The following PBX1 variants were observed in gnomAD, a reference collection of about 807,000 sequenced individuals.
The protein encoded by PBX1 is pre-B-cell leukemia transcription factor 1.
Under a neutral mutation model 53.4 loss-of-function variants are expected in PBX1, and 6 were observed. The ratio of observed to expected loss-of-function variants is 0.11; its 90% CI spans 0.06 to 0.22. The LOEUF is 0.22. PBX1 is among the 10% of genes least tolerant of loss of function. PBX1 has a pLI of 1.00. For synonymous variants in PBX1, 204 were observed against 212.3 expected (o/e 0.96, Z 0.34); for missense variants, 251 against 551.4 (o/e 0.46, Z 5.46).
chr1:164,569,055 T>G (rs1242151657), intron 2 of PBX1, among the ~76,000 whole-genome samples: 4 of 152,240 alleles, frequency 2.6e-5, no homozygotes, highest in African/African-American at 9.6e-5. Context: ...CTGAAACTTT[T>G]GTCATTAAGT....
intron 2 of PBX1, among the ~76,000 whole-genome samples, chr1:164,571,873 G>GTGTATATA (rs1252010429): frequency 3.3e-5 from 1 of 29,900 alleles, no homozygotes. Flanking sequence ...TCTGTACATT[G>GTGTATATA]TATATATATA....
rs6680745 is a variant in PBX1, at chr1:164,603,928, C to A, written c.265+40617C>A. Among the ~76,000 whole-genome samples, 17 of 48,766 alleles carry A rather than the reference C, an allele frequency of 3.5e-4. 1 individual carries two copies. In the South Asian group the frequency reaches 9.3e-3, roughly 27 times the overall value. The allele number at this position is 48,766 out of a possible 152,430, so 32.0% of individuals were successfully genotyped here. On this transcript the variant is annotated intron_variant, in intron 2 of 8. Transcript: ENST00000420696. ...AGACACTCTGTACATTATGTCATTT[C>A]ATTTTTTTTTTTTTTTTTTTTTTTT...
intron 2 of PBX1, among the ~76,000 whole-genome samples, chr1:164,868,375 C>T (rs1380307250): frequency 3.3e-5 from 5 of 152,142 alleles, no homozygotes; most frequent in African/African-American, 9.7e-5. Context: ...GTTAAGGGTC[C>T]GGGCTTTTGT....
chr1:164,776,995 G>A (rs1300345447), intron 2 of PBX1, among the ~76,000 whole-genome samples: 3 of 134,866 alleles, frequency 2.2e-5, no homozygotes, highest in Non-Finnish European at 4.8e-5. Context: ...GTGGGGGGGC[G>A]GGGGGCTGCC....
chr1:164,798,364 G>T (rs549152827), intron 3 of PBX1, among the ~76,000 whole-genome samples: 79 of 152,234 alleles, frequency 5.2e-4, no homozygotes, highest in African/African-American at 1.7e-3. Flanking sequence ...GCATCATCTT[G>T]CCTTTTTTGT....
intron 4 of PBX1, among the ~76,000 whole-genome samples, chr1:164,802,930 C>T (rs1669156464): frequency 6.6e-6 from 1 of 151,868 alleles, no homozygotes; most frequent in African/African-American, 2.4e-5. Flanking sequence ...GATTTTCGAG[C>T]ATTAATCTTA....
At chr1:164,867,261 A>G (rs530455416) in intron 2 of PBX1, among the ~76,000 whole-genome samples, 1 of 152,284 alleles carries the variant, frequency 6.6e-6, no homozygotes, top group African/African-American at 2.4e-5. Context: ...GAGATACTAT[A>G]TTCAAAAGAC....
chr1:164,862,080 G>A (rs907536774), intron 2 of PBX1, among the ~76,000 whole-genome samples: 7 of 152,118 alleles, frequency 4.6e-5, no homozygotes, highest in Admixed American at 3.3e-4. Flanking sequence ...AAGTTTTAAC[G>A]TGTGACTCTG....
At chr1:164,776,267 A>G (rs1344171705) in intron 2 of PBX1, among the ~76,000 whole-genome samples, 1 of 152,166 alleles carries the variant, frequency 6.6e-6, no homozygotes, top group East Asian at 1.9e-4. Context: ...CTTTCTTTCT[A>G]GGAAGCAGAG....
At chr1:164,859,882 G>A (rs1672059234) in intron 2 of PBX1, among the ~76,000 whole-genome samples, 1 of 152,200 alleles carries the variant, frequency 6.6e-6, no homozygotes, top group African/African-American at 2.4e-5. Flanking sequence ...ATTTATCAAT[G>A]TACAAGCTTG....
At chr1:164,586,454 C>A in intron 2 of PBX1, among the ~76,000 whole-genome samples, 1 of 152,224 alleles carries the variant, frequency 6.6e-6, no homozygotes. Context: ...TGCAAGGGAA[C>A]AATTACTGGA....
At chr1:164,657,942 C>T (rs17383024) in intron 2 of PBX1, among the ~76,000 whole-genome samples, 7,614 of 152,168 alleles carry the variant, frequency 0.05, 315 homozygotes, top group Admixed American at 0.12. Context: ...GCCATCTTAT[C>T]ATCATAGTAG....
In PBX1 at chr1:164,848,672, A is replaced by T; in HGVS notation, c.*1996A>T. The T allele has an allele frequency of 9.5e-7, 1 of 1,055,860 alleles. No individual in the cohort carries two copies. Among genetic ancestry groups the T allele is most frequent in the Non-Finnish European group, 1.1e-6 (1 of 873,468 alleles). The allele number at this position is 1,055,860 out of a possible 1,614,324, so 65.4% of individuals were successfully genotyped here. On this transcript the variant is annotated 3_prime_UTR_variant, in exon 9 of 9. Coordinates refer to ENST00000420696, the MANE Select transcript of PBX1 (RefSeq NM_002585.4). The stretch of plus-strand genomic sequence containing the variant: ...ACAGGCCCTGGTTCCCTTAGTTTGC[A>T]CTTGAACCCAATATGTTGCCTTGTA...
chr1:164,719,716 T>G (rs117195859), intron 2 of PBX1, among the ~76,000 whole-genome samples: 74 of 152,254 alleles, frequency 4.9e-4, no homozygotes, highest in African/African-American at 1.7e-3. Flanking sequence ...ATTGGCACAC[T>G]CTTTCTGTCA....
intron 2 of PBX1, among the ~76,000 whole-genome samples, chr1:164,570,126 A>T (rs1557865904): frequency 1.3e-5 from 2 of 152,238 alleles, no homozygotes; most frequent in Non-Finnish European, 2.9e-5. Context: ...GAAGATACAT[A>T]AGCCTATCCA....
chr1:164,849,530 A>G lies in PBX1; in HGVS notation c.*2854A>G. The G allele has an allele frequency of 7.5e-7, 1 of 1,335,292 alleles. No individual in the cohort carries two copies. Among genetic ancestry groups the G allele is most frequent in the East Asian group, 2.6e-5 (1 of 39,010 alleles). The allele number at this position is 1,335,292 out of a possible 1,614,324, so 82.7% of individuals were successfully genotyped here. ...GCCAGTCCTACAGAGAGCAAGATGC[A>G]CCCCAGGATTTCTTCATTTTCTAAT... On this transcript the variant is annotated 3_prime_UTR_variant, in exon 9 of 9. Coordinates refer to ENST00000420696, the MANE Select transcript of PBX1 (RefSeq NM_002585.4).
In PBX1 at chr1:164,693,322, G is replaced by A. The variant is rs575042060; in HGVS notation, c.266-99172G>A. 1.1e-3 allele frequency among the ~76,000 whole-genome samples: 171 copies of A among 152,358 alleles called. 1 individual carries two copies. Among genetic ancestry groups the A allele is most frequent in the African/African-American group, 3.8e-3 (159 of 41,592 alleles). On this transcript the variant is annotated intron_variant, in intron 2 of 8. Coordinates refer to ENST00000420696, the MANE Select transcript of PBX1 (RefSeq NM_002585.4). ...TGAGATACACAGGGTGCCTGCTGAG[G>A]AATGAGGGAGCTATTACAATTATTA... is the stretch of plus-strand genomic sequence containing the variant.
At chr1:164,567,183 T>A (rs1653493047) in intron 2 of PBX1, among the ~76,000 whole-genome samples, 1 of 152,132 alleles carries the variant, frequency 6.6e-6, no homozygotes, top group Admixed American at 6.5e-5. Context: ...TGTATATGTG[T>A]GTGTGTATGT....
intron 2 of PBX1, among the ~76,000 whole-genome samples, chr1:164,876,077 C>G (rs1448816723): frequency 1.5e-5 from 2 of 131,656 alleles, no homozygotes; most frequent in Non-Finnish European, 3.4e-5. Context: ...TAAGGTGTCT[C>G]CAGAGTGGAG....
Sources: allele counts gnomAD v4.1 joint callset (sites outside exome capture counted in the v4.1 genomes callset), GRCh38; gene constraint gnomAD v4.1.1; transcripts MANE v1.5; gene names NCBI Gene and HGNC (gene_info 2026-07-23, HGNC 2026-07-21).